TANC2: variants seen among roughly 807,000 people sequenced by gnomAD.
TANC2 encodes tetratricopeptide repeat, ankyrin repeat and coiled-coil containing 2.
A neutral mutation model predicts 210.5 loss-of-function variants in TANC2; 26 were observed. That is an observed-to-expected ratio of 0.12 (90% confidence interval 0.09 to 0.17). The LOEUF (loss-of-function observed/expected upper bound fraction) is 0.17. TANC2 is among the 10% of genes least tolerant of loss of function. The pLI is 1.00. For missense variants in TANC2, 2,129 were observed against 2,608.9 expected (o/e 0.82, Z 4.01); for synonymous variants, 931 against 967.1 (o/e 0.96, Z 0.69).
At chr17:63,383,823 C>G (rs1053550865) in intron 15 of TANC2, among the ~76,000 whole-genome samples, 2 of 152,144 alleles carry the variant, frequency 1.3e-5, no homozygotes, top group Non-Finnish European at 2.9e-5. Flanking sequence ...TGCATTCCCA[C>G]CGGCAGCGAC....
intron 8 of TANC2, among the ~76,000 whole-genome samples, chr17:63,266,431 A>G (rs1018585613): frequency 7.2e-5 from 11 of 152,130 alleles, no homozygotes; most frequent in Admixed American, 2.6e-4. Flanking sequence ...TCAGTACCCA[A>G]TGTCAATCAT....
intron 2 of TANC2, 56 bp from the exon 3 acceptor site, chr17:63,073,887 C>A: frequency 1.5e-6 from 2 of 1,372,008 alleles, no homozygotes; most frequent in Non-Finnish European, 2.0e-6. Context: ...ATGTCAGAGA[C>A]ACTGTTATGT....
At chr17:63,326,099 C>T (rs1337512324) in intron 11 of TANC2, among the ~76,000 whole-genome samples, 1 of 152,166 alleles carries the variant, frequency 6.6e-6, no homozygotes, top group Non-Finnish European at 1.5e-5. Flanking sequence ...ATCTCAGCTA[C>T]AGCTAATTAA....
intron 1 of TANC2, among the ~76,000 whole-genome samples, chr17:62,989,937 A>AT (rs890668073): frequency 3.0e-4 from 45 of 151,302 alleles, no homozygotes; most frequent in African/African-American, 1.0e-3. Context: ...CACCTGGCTA[A>AT]TTTTTTTTGT....
intron 9 of TANC2, among the ~76,000 whole-genome samples, chr17:63,282,637 T>C (rs1487749945): frequency 6.6e-6 from 1 of 152,124 alleles, no homozygotes; most frequent in Non-Finnish European, 1.5e-5. Flanking sequence ...TGTATCATTT[T>C]CGTTCTCACT....
In TANC2 at chr17:63,421,936, T is replaced by C. The variant is rs1194900179; in HGVS notation, c.6206T>C (p.Phe2069Ser). 1 of 1,610,036 alleles carries C rather than the reference T, an allele frequency of 6.2e-7. No individual in the cohort carries two copies. Among genetic ancestry groups the C allele is most frequent in the Non-Finnish European group, 8.5e-7 (1 of 1,178,052 alleles). ...TCCCCTATCAAACCAAAGAGACCGT[T>C]CGTGGAGTCTAATGTTTAAAAGACG... The change falls in exon 28 of 28, where the codon TTC (phenylalanine) becomes TCC (serine). Residue 2069 changes from phenylalanine (F) to serine (S), a missense_variant. By Grantham distance (155) the Phe-to-Ser change is radical. Transcript: ENST00000689528. This position sits in a 1 kb window ranked among gnomAD's most constrained non-coding sequence, Gnocchi z 6.9.
intron 14 of TANC2, among the ~76,000 whole-genome samples, chr17:63,368,048 C>A (rs1490983257): frequency 6.6e-6 from 1 of 152,052 alleles, no homozygotes; most frequent in Non-Finnish European, 1.5e-5. Context: ...AATGGTAAGA[C>A]CTATAACAGG....
chr17:62,977,626 C>T lies in TANC2; in HGVS notation c.-24+10877C>T, dbSNP rs1170140445. Among the ~76,000 whole-genome samples, 9 of 152,180 alleles carry T rather than the reference C, an allele frequency of 5.9e-5. No individual in the cohort carries two copies. In the South Asian group the frequency reaches 1.9e-3, roughly 32 times the overall value. ...GGGGTATTTCTCCCCTATCCCCTAA[C>T]ATTCTACCTATTTTTTTTTAATTAC... is the stretch of plus-strand genomic sequence containing the variant. On this transcript the variant is annotated intron_variant, in intron 1 of 27. Coordinates refer to ENST00000689528, the Ensembl canonical transcript of TANC2.
chr17:63,176,062 G>A (rs1056795065), intron 5 of TANC2, among the ~76,000 whole-genome samples: 26 of 152,334 alleles, frequency 1.7e-4, no homozygotes, highest in African/African-American at 5.8e-4. Context: ...AAGTGTTGGC[G>A]AGAATATGGA....
intron 9 of TANC2, among the ~76,000 whole-genome samples, chr17:63,270,071 T>G (rs752014244): frequency 1.8e-4 from 27 of 152,142 alleles, no homozygotes; most frequent in Non-Finnish European, 2.5e-4. Flanking sequence ...GTCTAAACGG[T>G]TAGAACATGC....
chr17:63,153,026 A>G (rs183163230), intron 5 of TANC2: 7 of 152,314 alleles, frequency 4.6e-5, no homozygotes, highest in Admixed American at 1.3e-4. Flanking sequence ...ATCTGAAACA[A>G]TTTTAAAGCA....
chr17:63,092,176 A>G (rs1247170431), intron 3 of TANC2, among the ~76,000 whole-genome samples: 1 of 151,894 alleles, frequency 6.6e-6, no homozygotes, highest in East Asian at 1.9e-4. Context: ...GTTTGTGGAG[A>G]GTAATAATTT....
Position 63,193,984 on chromosome 17 carries a change from G to C in TANC2, c.434-7G>C, listed in dbSNP as rs748022286. ...GATTCATGTTCTTCAATGCCTTCTTGTTACAGGTGATGCTGAACAGGAGCT... is the reference window on the plus strand; with the variant it reads ...GATTCATGTTCTTCAATGCCTTCTTCTTACAGGTGATGCTGAACAGGAGCT... On this transcript the variant is annotated splice_polypyrimidine_tract_variant and splice_region_variant and intron_variant, in intron 5 of 27. Coordinates refer to ENST00000689528, the Ensembl canonical transcript of TANC2. 13 of 1,610,800 alleles carry C rather than the reference G, an allele frequency of 8.1e-6. No individual in the cohort carries two copies. In the South Asian group the frequency reaches 1.2e-4, roughly 15 times the overall value.
chr17:63,405,313 T>A (rs1311993090), intron 20 of TANC2, 58 bp downstream of exon 20: 2 of 1,462,396 alleles, frequency 1.4e-6, no homozygotes, highest in African/African-American at 2.8e-5. Flanking sequence ...GGTGAGGACT[T>A]CTGATGCACA....
chr17:63,324,645 G>C (rs1390631780), intron 11 of TANC2, among the ~76,000 whole-genome samples: 1 of 152,116 alleles, frequency 6.6e-6, no homozygotes, highest in South Asian at 2.1e-4. Flanking sequence ...AATTTGTCTA[G>C]GGCTTTTCTT....
chr17:63,354,378 A>G lies in TANC2; in HGVS notation c.1975-405A>G, dbSNP rs141162682. Among the ~76,000 whole-genome samples the G allele has an allele frequency of 7.4e-3, 1,133 of 152,288 alleles. 14 individuals are homozygous for G. Among genetic ancestry groups the G allele is most frequent in the African/African-American group, 0.025 (1,030 of 41,556 alleles). On this transcript the variant is annotated intron_variant, in intron 13 of 27. Coordinates refer to ENST00000689528, the Ensembl canonical transcript of TANC2. ...TTTTATTAGGAGAGTTAGAAAGCCA[A>G]CTTTTTCTAAGCCAGTCTTTGAATC...
intron 14 of TANC2, among the ~76,000 whole-genome samples, chr17:63,372,696 A>G (rs965189468): frequency 2.0e-5 from 3 of 152,152 alleles, no homozygotes; most frequent in East Asian, 1.9e-4. Context: ...CTAGGATTTA[A>G]AAGTAGGTCT....
intron 7 of TANC2, among the ~76,000 whole-genome samples, chr17:63,211,370 C>T (rs76599568): frequency 6.6e-6 from 1 of 151,998 alleles, no homozygotes; most frequent in Non-Finnish European, 1.5e-5. Context: ...TCTCCCACTT[C>T]TTTTTGCCTT....
rs1167506408 is a variant in TANC2, at chr17:62,966,532, C to T, written c.-241C>T. ...GCCGAGCCGAGGGGCGAGAGCTGGC[C>T]CCCGAGCCGCCGCTGACAGGAGCAC... On this transcript the variant is annotated 5_prime_UTR_variant, in exon 1 of 28. Coordinates refer to ENST00000689528, the Ensembl canonical transcript of TANC2. The surrounding 1 kb of genome is among the most constrained non-coding windows in gnomAD (Gnocchi z 5.1). Among the ~76,000 whole-genome samples, 4 of 150,108 alleles carry T rather than the reference C, an allele frequency of 2.7e-5. No homozygotes were observed. The highest frequency in any genetic ancestry group is 7.3e-5 in the African/African-American group (3 of 41,234).
Sources: allele counts gnomAD v4.1 joint callset (sites outside exome capture counted in the v4.1 genomes callset), GRCh38; gene constraint gnomAD v4.1.1; non-coding constraint Gnocchi (gnomAD v3.1); transcripts MANE v1.5; gene names NCBI Gene and HGNC (gene_info 2026-07-23, HGNC 2026-07-21).